The following SBF2 variants were observed in gnomAD, a reference collection of about 807,000 sequenced individuals.
The protein encoded by SBF2 is SET binding factor 2.
Under a neutral mutation model 225.2 loss-of-function variants are expected in SBF2, and 112 were observed. That is an observed-to-expected ratio of 0.50 (90% CI 0.43 to 0.58). The LOEUF (loss-of-function observed/expected upper bound fraction) is 0.58, where lower values mean the gene tolerates loss of function less well. Among genes scored for constraint, SBF2 ranks in the 20% least tolerant of loss-of-function variants. SBF2 has a pLI of 0.00. For synonymous variants in SBF2, 763 were observed against 773.3 expected, an observed-to-expected ratio of 0.99 and a Z score of 0.22; for missense variants, 1,996 against 2,206.2, an observed-to-expected ratio of 0.90 and a Z score of 1.91.
At chr11:10,277,211 G>C (rs1963026383) in intron 1 of SBF2, among the ~76,000 whole-genome samples, 1 of 150,664 alleles carries the variant, frequency 6.6e-6, no homozygotes, top group Non-Finnish European at 1.5e-5. Context: ...CTTGAGCCCG[G>C]GAGTTTGAGA....
intron 17 of SBF2, among the ~76,000 whole-genome samples, chr11:9,873,445 G>C (rs183418570): frequency 6.6e-6 from 1 of 152,272 alleles, no homozygotes; most frequent in Admixed American, 6.5e-5. Context: ...ATGAAAGTAA[G>C]AAGATCCACT....
At chr11:9,874,357 C>T (rs898199819) in intron 17 of SBF2, among the ~76,000 whole-genome samples, 2 of 152,050 alleles carry the variant, frequency 1.3e-5, no homozygotes, top group Non-Finnish European at 2.9e-5. Flanking sequence ...TCTCTTCTTT[C>T]CTTAGTTTCT....
At chr11:10,181,610 C>T (rs1340020568) in intron 2 of SBF2, among the ~76,000 whole-genome samples, 1 of 152,026 alleles carries the variant, frequency 6.6e-6, no homozygotes, top group Non-Finnish European at 1.5e-5. Context: ...CCCTTTTTAG[C>T]TTTCATTACA....
At chr11:9,801,368 CT>C (rs920383920) in intron 32 of SBF2, among the ~76,000 whole-genome samples, 1 of 150,590 alleles carries the variant, frequency 6.6e-6, no homozygotes. Flanking sequence ...TTTATAGGGT[CT>C]TTTTTTTTGC....
intron 16 of SBF2, among the ~76,000 whole-genome samples, chr11:9,933,876 G>GT: frequency 6.6e-6 from 1 of 152,206 alleles, no homozygotes; most frequent in East Asian, 1.9e-4. Context: ...CCAGGGGCTG[G>GT]TTTTTTGAAA....
At chr11:9,835,407 C>T (rs1474883065) in intron 26 of SBF2, among the ~76,000 whole-genome samples, 6 of 151,844 alleles carry the variant, frequency 4.0e-5, no homozygotes, top group Non-Finnish European at 5.9e-5. Flanking sequence ...TGGCTTGAGC[C>T]TAGGAGTTTG....
intron 31 of SBF2, 78 bp downstream of exon 31, chr11:9,808,823 A>T: frequency 9.6e-7 from 1 of 1,044,418 alleles, no homozygotes; most frequent in Non-Finnish European, 1.5e-6. Flanking sequence ...ATTATACAAA[A>T]GAGTCATCTG....
At position 9,864,097 on chromosome 11, in the gene SBF2, G is replaced by C. The variant is rs538860544; in HGVS notation, c.1930-5701C>G. On this transcript the variant is annotated intron_variant, in intron 17 of 39. Transcript: ENST00000256190. ...AAAGAGAATGGCCTATAAGCAATGA[G>C]TATTTAGGATATTATGCTCATTAGT... 2.8e-4 allele frequency among the ~76,000 whole-genome samples: 43 copies of C among 152,286 alleles called. No individual in the cohort carries two copies. In the East Asian group the frequency reaches 6.9e-3, roughly 25 times the overall value.
chr11:9,869,456 T>C (rs1049957257), intron 17 of SBF2, among the ~76,000 whole-genome samples: 3 of 152,118 alleles, frequency 2.0e-5, no homozygotes, highest in African/African-American at 7.2e-5. Context: ...GTAGCTGGGA[T>C]TACAGGTTCA....
At chr11:10,100,097 A>C (rs1178139137) in intron 2 of SBF2, among the ~76,000 whole-genome samples, 2 of 152,256 alleles carry the variant, frequency 1.3e-5, no homozygotes, top group Non-Finnish European at 2.9e-5. Flanking sequence ...TATGCTGCCA[A>C]CAAAAGACTC....
chr11:10,146,790 C>T (rs117113947), intron 2 of SBF2, among the ~76,000 whole-genome samples: 11,600 of 152,150 alleles, frequency 0.076, 629 homozygotes, highest in East Asian at 0.28. Context: ...CGACAACCTA[C>T]AGAATGGGAG....
chr11:10,208,022 A>C (rs1487700224), intron 1 of SBF2, among the ~76,000 whole-genome samples: 1 of 152,152 alleles, frequency 6.6e-6, no homozygotes, highest in Non-Finnish European at 1.5e-5. Context: ...AACTAATCTA[A>C]GAAAGTCCTC....
intron 2 of SBF2, among the ~76,000 whole-genome samples, chr11:10,179,248 G>A (rs1214713239): frequency 1.3e-5 from 2 of 151,742 alleles, no homozygotes; most frequent in Admixed American, 1.3e-4. Context: ...AATGCTAGAT[G>A]AGGAGTTAGT....
chr11:10,213,127 A>G (rs1279892620), intron 1 of SBF2, among the ~76,000 whole-genome samples: 1 of 152,132 alleles, frequency 6.6e-6, no homozygotes, highest in Non-Finnish European at 1.5e-5. Flanking sequence ...TTGTAGCAGC[A>G]TCTCTTACAT....
intron 2 of SBF2, among the ~76,000 whole-genome samples, chr11:10,186,981 A>G (rs2135307149): frequency 6.6e-6 from 1 of 152,356 alleles, no homozygotes; most frequent in Admixed American, 6.5e-5. Flanking sequence ...ACAGTGTGGC[A>G]GAGGAAAGCT....
chr11:10,236,304 A>G (rs1023796571), intron 1 of SBF2, among the ~76,000 whole-genome samples: 1 of 152,098 alleles, frequency 6.6e-6, no homozygotes, highest in African/African-American at 2.4e-5. Context: ...ATTTTTTATA[A>G]TAAAAAAATT....
At chr11:10,041,555 A>G (rs1384119897) in intron 3 of SBF2, among the ~76,000 whole-genome samples, 5 of 152,128 alleles carry the variant, frequency 3.3e-5, no homozygotes, top group African/African-American at 7.2e-5. Context: ...TTCTATATGC[A>G]TTTTCAGCAC....
rs1418264152 is a variant in SBF2, at chr11:9,780,346, T to C, written c.*72A>G. On this transcript the variant is annotated 3_prime_UTR_variant, in exon 40 of 40. Coordinates refer to ENST00000256190, the MANE Select transcript of SBF2 (RefSeq NM_030962.4). ...TAACTTGTTGTCAGCTCCTCAAGGA[T>C]CCATGCTTCTTTTTCTATCTATCTG... 4 of 1,321,770 alleles carry C rather than the reference T, an allele frequency of 3.0e-6. No individual in the cohort carries two copies. The highest frequency in any genetic ancestry group is 4.3e-6 in the Non-Finnish European group (4 of 926,902). The allele number at this position is 1,321,770 out of a possible 1,614,324, so 81.9% of individuals were successfully genotyped here.
intron 17 of SBF2, among the ~76,000 whole-genome samples, chr11:9,863,746 C>G (rs1747039590): frequency 7.0e-6 from 1 of 143,368 alleles, no homozygotes; most frequent in South Asian, 2.2e-4. Flanking sequence ...TTGTCCCTCC[C>G]TCTCTCTCTT....
Sources: gnomAD v4.1 joint callset for allele counts (sites outside exome capture counted in the v4.1 genomes callset) on GRCh38, gnomAD v4.1.1 for gene constraint, MANE v1.5 for transcripts, NCBI Gene and HGNC (gene_info 2026-07-23, HGNC 2026-07-21) for gene names.